Variants in LGSN observed in about 807,000 individuals in gnomAD.
LGSN encodes the protein lengsin, lens protein with glutamine synthetase domain, also known as lengsin.
A neutral mutation model predicts 19.5 loss-of-function variants in LGSN; 21 were observed. That is an observed-to-expected ratio of 1.07 (90% CI 0.76 to 1.55). LGSN has a LOEUF of 1.55. Ranked by LOEUF, LGSN falls within the 40% of genes most tolerant of loss-of-function variation. The pLI, the probability that LGSN is intolerant of heterozygous loss-of-function variation, is 0.00. For missense variants in LGSN, 673 were observed against 608.5 expected (o/e 1.11, Z -1.12); for synonymous variants, 257 against 215.6 (o/e 1.19, Z -1.68).
chr6:63,381,414 G>T, the LGSN span, among the ~76,000 whole-genome samples: 2 of 152,156 alleles, frequency 1.3e-5, no homozygotes, highest in Non-Finnish European at 2.9e-5. Flanking sequence ...ATCATGAAAT[G>T]CTTGACCTTG....
the LGSN span, among the ~76,000 whole-genome samples, chr6:63,510,263 G>A: frequency 4.6e-5 from 7 of 152,100 alleles, no homozygotes; most frequent in Non-Finnish European, 1.5e-5. Flanking sequence ...TGTTTGGACA[G>A]GCTGTTTCTT....
the LGSN span, among the ~76,000 whole-genome samples, chr6:63,482,373 C>T: frequency 6.6e-6 from 1 of 152,144 alleles, no homozygotes; most frequent in Admixed American, 6.5e-5. Flanking sequence ...GAGTAAAATA[C>T]TCACTGAGTT....
the LGSN span, among the ~76,000 whole-genome samples, chr6:63,370,159 T>C: frequency 6.6e-6 from 1 of 152,214 alleles, no homozygotes; most frequent in African/African-American, 2.4e-5. Context: ...TTTTGAACTA[T>C]TCATGCCAGG....
chr6:63,373,014 C>G, the LGSN span, among the ~76,000 whole-genome samples: 2 of 152,092 alleles, frequency 1.3e-5, no homozygotes, highest in Non-Finnish European at 2.9e-5. Context: ...CACAAAATAT[C>G]CTCTGTTACA....
chr6:63,538,538 A>G, the LGSN span, among the ~76,000 whole-genome samples: 1 of 152,382 alleles, frequency 6.6e-6, no homozygotes, highest in South Asian at 2.1e-4. Context: ...TTGCATAAGC[A>G]ATAAATAATT....
At chr6:63,442,998 C>T in the LGSN span, among the ~76,000 whole-genome samples, 7 of 152,204 alleles carry the variant, frequency 4.6e-5, no homozygotes, top group South Asian at 2.1e-4. Context: ...GTGGAGCAGG[C>T]GGCGGTGCCC....
At chr6:63,533,190 T>C in the LGSN span, among the ~76,000 whole-genome samples, 2 of 152,156 alleles carry the variant, frequency 1.3e-5, no homozygotes. Flanking sequence ...AATACAAGCT[T>C]GGCCAACATG....
the LGSN span, among the ~76,000 whole-genome samples, chr6:63,421,067 AAAC>A: frequency 6.6e-6 from 1 of 152,228 alleles, no homozygotes; most frequent in Non-Finnish European, 1.5e-5. Context: ...ATTAAAAAGA[AAAC>A]AACAGAATAA....
chr6:63,460,812 G>T, the LGSN span, among the ~76,000 whole-genome samples: 1 of 152,088 alleles, frequency 6.6e-6, no homozygotes. Context: ...ATATACTTTT[G>T]GCTGTTCTCT....
chr6:63,292,647 G>A (rs558567808), intron 2 of LGSN, among the ~76,000 whole-genome samples: 4 of 152,286 alleles, frequency 2.6e-5, no homozygotes, highest in Middle Eastern at 3.4e-3. Context: ...AGCTTCCTTG[G>A]TTGGCAATAT....
At chr6:63,429,465 G>T in the LGSN span, among the ~76,000 whole-genome samples, 1 of 152,124 alleles carries the variant, frequency 6.6e-6, no homozygotes, top group Non-Finnish European at 1.5e-5. Flanking sequence ...GCCAGGTGTG[G>T]TGGCTCACGC....
chr6:63,318,397 A>G (rs559361415), intron 1 of LGSN, among the ~76,000 whole-genome samples: 1 of 152,304 alleles, frequency 6.6e-6, no homozygotes, highest in African/African-American at 2.4e-5. Flanking sequence ...TAGCTGGAAA[A>G]GGAATGTCAC....
chr6:63,549,329 A>C, the LGSN span: 1 of 754,006 alleles, frequency 1.3e-6, no homozygotes, highest in African/African-American at 1.7e-5. Flanking sequence ...GCAACCTGAT[A>C]TAGTGGGGGC....
chr6:63,309,140 TA>T (rs1256976896), intron 1 of LGSN, among the ~76,000 whole-genome samples: 25 of 152,234 alleles, frequency 1.6e-4, no homozygotes, highest in African/African-American at 5.5e-4. Context: ...CATTTAAAAA[TA>T]AGCGCTTCTG....
At chr6:63,336,575 A>ATATATATATATGTGTGTGTGTG in the LGSN span, among the ~76,000 whole-genome samples, 5 of 148,690 alleles carry the variant, frequency 3.4e-5, no homozygotes, top group African/African-American at 1.3e-4. Context: ...ATATATATAT[A>ATATATATATATGTGTGTGTGTG]TGTATAAAAT....
chr6:63,541,280 T>C, the LGSN span, among the ~76,000 whole-genome samples: 1 of 152,136 alleles, frequency 6.6e-6, no homozygotes, highest in Non-Finnish European at 1.5e-5. Context: ...TAGATTCCCA[T>C]TCTCTTTGGA....
At chr6:63,494,241 C>A in the LGSN span, among the ~76,000 whole-genome samples, 3 of 152,250 alleles carry the variant, frequency 2.0e-5, no homozygotes, top group Admixed American at 2.0e-4. Flanking sequence ...TGAACCACCA[C>A]GCCCAGCCAG....
At chr6:63,492,376 C>T in the LGSN span, among the ~76,000 whole-genome samples, 1 of 152,176 alleles carries the variant, frequency 6.6e-6, no homozygotes, top group Non-Finnish European at 1.5e-5. Context: ...TGCATGGTTT[C>T]CACAAAATAG....
the LGSN span, among the ~76,000 whole-genome samples, chr6:63,544,093 T>C: frequency 2.0e-5 from 3 of 152,158 alleles, no homozygotes; most frequent in Non-Finnish European, 4.4e-5. Flanking sequence ...TGAGCTGGTA[T>C]GCCCTAATTC....
Sources: gnomAD v4.1 joint callset for allele counts (sites outside exome capture counted in the v4.1 genomes callset) on GRCh38, gnomAD v4.1.1 for gene constraint, MANE v1.5 for transcripts, NCBI Gene and HGNC (gene_info 2026-07-23, HGNC 2026-07-21) for gene names.